PPCS: variants seen among roughly 807,000 people sequenced by gnomAD.
The protein encoded by PPCS is phosphopantothenoylcysteine synthetase.
Under a neutral mutation model 24.6 loss-of-function variants are expected in PPCS, and 17 were observed. That is an observed-to-expected ratio of 0.69 (90% CI 0.47 to 1.04). The LOEUF is 1.04. Ranked by LOEUF, PPCS falls within the 50% of genes least tolerant of loss-of-function variation. The pLI is 0.00. For synonymous variants in PPCS, 190 were observed against 168.3 expected (o/e 1.13, Z -1.00); for missense variants, 360 against 402.8 (o/e 0.89, Z 0.91).
At chr1:42,457,387 A>C (rs1465160376) in intron 2 of PPCS, 37 bp downstream of exon 2, 4 of 1,560,610 alleles carry the variant, frequency 2.6e-6, no homozygotes, top group Non-Finnish European at 3.5e-6. Flanking sequence ...CTAATCCCAT[A>C]TAACCAATCT....
At chr1:42,468,856 A>G (rs1196622427) in intron 2 of PPCS, 4 of 152,208 alleles carry the variant, frequency 2.6e-5, no homozygotes, top group Non-Finnish European at 1.5e-5. Flanking sequence ...TGCCCAAGCT[A>G]TTAATCACAT....
At chr1:42,459,114 C>A in intron 2 of PPCS, 1 of 151,298 alleles carries the variant, frequency 6.6e-6, no homozygotes, top group Admixed American at 6.6e-5. Flanking sequence ...ATGTATGGAG[C>A]CTTGAATTTA....
At chr1:42,466,607 A>G (rs1643592638) in intron 2 of PPCS, among the ~76,000 whole-genome samples, 1 of 150,474 alleles carries the variant, frequency 6.6e-6, no homozygotes, top group Non-Finnish European at 1.5e-5. Flanking sequence ...GCTGGAGTGC[A>G]GTGTTGAGAT....
chr1:42,467,431 A>G (rs1336028603), intron 2 of PPCS, among the ~76,000 whole-genome samples: 1 of 152,216 alleles, frequency 6.6e-6, no homozygotes, highest in Non-Finnish European at 1.5e-5. Flanking sequence ...AAGTACTGCA[A>G]ATTCAGTGAC....
chr1:42,463,213 G>T (rs547131302), downstream of PPCS: 1 of 152,354 alleles, frequency 6.6e-6, no homozygotes, highest in South Asian at 2.1e-4. Context: ...ACAGTCTCTG[G>T]TTCCACTGGC....
downstream of PPCS, among the ~76,000 whole-genome samples, chr1:42,464,999 A>G (rs1557783636): frequency 6.6e-6 from 1 of 152,250 alleles, no homozygotes; most frequent in Admixed American, 6.5e-5. Flanking sequence ...TTGGAACTGG[A>G]TAAAACCTAA....
At chr1:42,472,256 G>GA (rs1038029303) in intron 2 of PPCS, among the ~76,000 whole-genome samples, 25 of 150,046 alleles carry the variant, frequency 1.7e-4, no homozygotes, top group African/African-American at 4.1e-4. Flanking sequence ...CCATCTCAAA[G>GA]AAAAAAAAAT....
chr1:42,465,273 T>C (rs897725911), downstream of PPCS, among the ~76,000 whole-genome samples: 1 of 152,192 alleles, frequency 6.6e-6, no homozygotes, highest in Non-Finnish European at 1.5e-5. Context: ...ATCGCACCAC[T>C]GCGCTCCAAC....
downstream of PPCS, among the ~76,000 whole-genome samples, chr1:42,462,701 A>G (rs1643443502): frequency 6.6e-6 from 1 of 152,198 alleles, no homozygotes; most frequent in Non-Finnish European, 1.5e-5. Context: ...GTCATTTATA[A>G]GTTTTTATTT....
downstream of PPCS, chr1:42,463,510 C>G (rs921795287): frequency 6.6e-6 from 1 of 152,266 alleles, no homozygotes; most frequent in Non-Finnish European, 1.5e-5. Context: ...AGGAGGGGAA[C>G]CCCTCCTGGC....
downstream of PPCS, among the ~76,000 whole-genome samples, chr1:42,465,998 A>G (rs1467309455): frequency 6.6e-6 from 1 of 152,188 alleles, no homozygotes; most frequent in Non-Finnish European, 1.5e-5. Flanking sequence ...CATTTTTTAC[A>G]TTGCTACAGT....
chr1:42,460,249 G>C lies in PPCS; in HGVS notation c.*323G>C. 9.7e-7 allele frequency: 1 copy of C among 1,034,042 alleles called. No individual in the cohort carries two copies. The highest frequency in any genetic ancestry group is 1.7e-5 in the African/African-American group (1 of 58,896). The allele number at this position is 1,034,042 out of a possible 1,614,324, so 64.1% of individuals were successfully genotyped here. On this transcript the variant is annotated 3_prime_UTR_variant, in exon 3 of 3. Transcript: ENST00000372561. ...AAAAAGGATTATGGATGCATGAATG[G>C]TCATGCTTTGGAGATCAAATATTGG...
chr1:42,462,120 ACAAT>A (rs148299501), downstream of PPCS, among the ~76,000 whole-genome samples: 5,171 of 152,292 alleles, frequency 0.034, 86 homozygotes, highest in African/African-American at 0.047. Context: ...ACGCTTAAAA[ACAAT>A]CAGTGTTCTA....
Position 42,466,677 on chromosome 1 carries a change from G to A in PPCS, n.378-6445G>A, listed in dbSNP as rs535764824. On this transcript the variant is annotated intron_variant and non_coding_transcript_variant, in intron 2 of 2. Coordinates refer to the PPCS transcript ENST00000471420. ...AGCGATTCTCCTGCCTCAGCCTCCT[G>A]GGTAGCTGGGATTACAGGCACCCGC... is the stretch of plus-strand genomic sequence containing the variant. Among the ~76,000 whole-genome samples, 103 of 151,554 alleles carry A rather than the reference G, an allele frequency of 6.8e-4. No homozygotes were observed. In the Middle Eastern group the frequency reaches 0.014, roughly 20 times the overall value.
Position 42,456,559 on chromosome 1 carries a change from G to C in PPCS, c.-7G>C, listed in dbSNP as rs947290606. The C allele has an allele frequency of 6.8e-7, 1 of 1,466,264 alleles. No homozygotes were observed. Among genetic ancestry groups the C allele is most frequent in the Non-Finnish European group, 9.0e-7 (1 of 1,111,428 alleles). The allele number at this position is 1,466,264 out of a possible 1,614,324, so 90.8% of individuals were successfully genotyped here. ...AACGTGCGCAGGCGCCGGCCGCTGC[G>C]CTGCAGATGGCGGAAATGGATCCGG... On this transcript the variant is annotated 5_prime_UTR_variant, in exon 1 of 3. Transcript: ENST00000372561.
chr1:42,463,042 CAA>C (rs1036058444), downstream of PPCS, among the ~76,000 whole-genome samples: 23 of 152,336 alleles, frequency 1.5e-4, no homozygotes, highest in African/African-American at 5.3e-4. Flanking sequence ...CGCCCCAAGA[CAA>C]AATGTATTCG....
At chr1:42,457,485 C>T (rs969182369) in intron 2 of PPCS, 135 bp downstream of exon 2, 3 of 730,790 alleles carry the variant, frequency 4.1e-6, no homozygotes, top group African/African-American at 1.8e-5. Flanking sequence ...AAGACACCGC[C>T]CTCCCTCATG....
rs532321875 is a variant in PPCS, at chr1:42,471,078, C to T, written n.378-2044C>T. ...TTAGCTCAGGCTGTTGATAAGGACTCAGGTGTAGCCATGAGGATGGGCAGC... is the reference window on the plus strand; with the variant it reads ...TTAGCTCAGGCTGTTGATAAGGACTTAGGTGTAGCCATGAGGATGGGCAGC... On this transcript the variant is annotated intron_variant and non_coding_transcript_variant, in intron 2 of 2. Transcript: ENST00000471420. Among the ~76,000 whole-genome samples, 11 of 152,280 alleles carry T rather than the reference C, an allele frequency of 7.2e-5. No homozygotes were observed. The South Asian group carries it at 2.3e-3, about 32-fold the overall frequency.
intron 2 of PPCS, among the ~76,000 whole-genome samples, chr1:42,466,988 A>C (rs1643610274): frequency 6.6e-6 from 1 of 152,206 alleles, no homozygotes; most frequent in Non-Finnish European, 1.5e-5. Flanking sequence ...GGTCTCAATA[A>C]ATCCACTGGG....
Sources: gnomAD v4.1 joint callset for allele counts (sites outside exome capture counted in the v4.1 genomes callset) on GRCh38, gnomAD v4.1.1 for gene constraint, MANE v1.5 for transcripts, NCBI Gene and HGNC (gene_info 2026-07-23, HGNC 2026-07-21) for gene names.